The following CNTN4 variants were observed in gnomAD, a reference collection of about 807,000 sequenced individuals.
The protein encoded by CNTN4 is contactin-4.
Under a neutral mutation model 122.5 loss-of-function variants are expected in CNTN4, and 77 were observed. The ratio of observed to expected loss-of-function variants is 0.63; its 90% CI spans 0.52 to 0.76. The LOEUF is 0.76. Ranked by LOEUF, CNTN4 falls within the 30% of genes least tolerant of loss-of-function variation. The pLI is 0.00. For synonymous variants in CNTN4, 512 were observed against 447.0 expected (o/e 1.15, Z -1.83); for missense variants, 1,256 against 1,259.1 (o/e 1.00, Z 0.04).
In CNTN4 at chr3:2,971,368, CTA is replaced by C. The variant is rs537763062; in HGVS notation, c.1359-16963_1359-16962del. ...TCTGTCTGTCTATCTATCTATCTATCTATATATATATATATTTGGCCTTTCTT... is the reference window on the plus strand; with the variant it reads ...TCTGTCTGTCTATCTATCTATCTATCTATATATATATATTTGGCCTTTCTT... On this transcript the variant is annotated intron_variant, in intron 13 of 24. Coordinates refer to ENST00000418658, the MANE Select transcript of CNTN4 (RefSeq NM_175607.3). Among the ~76,000 whole-genome samples, 7 of 139,492 alleles carry C rather than the reference CTA, an allele frequency of 5.0e-5. No individual in the cohort carries two copies. The East Asian group carries it at 6.2e-4, about 12-fold the overall frequency. 91.5% of individuals were successfully genotyped at this position (139,492 alleles called of 152,430 possible).
chr3:2,107,426 C>T (rs1452496579), intron 2 of CNTN4, among the ~76,000 whole-genome samples: 1 of 152,026 alleles, frequency 6.6e-6, no homozygotes, highest in Admixed American at 6.6e-5. Flanking sequence ...TACATGGCAG[C>T]AAGCAAGAGA....
At chr3:2,945,793 A>G (rs1355294945) in intron 13 of CNTN4, among the ~76,000 whole-genome samples, 1 of 152,230 alleles carries the variant, frequency 6.6e-6, no homozygotes, top group African/African-American at 2.4e-5. Flanking sequence ...AAGTTAGTAC[A>G]TGGCCATTGC....
At chr3:2,932,045 G>C (rs1282772602) in intron 13 of CNTN4, among the ~76,000 whole-genome samples, 1 of 151,666 alleles carries the variant, frequency 6.6e-6, no homozygotes, top group South Asian at 2.1e-4. Flanking sequence ...GTGCATGTGT[G>C]TGTGTGGCCG....
intron 3 of CNTN4, among the ~76,000 whole-genome samples, chr3:2,566,327 C>T (rs974498147): frequency 9.9e-5 from 15 of 152,144 alleles, no homozygotes; most frequent in Admixed American, 3.9e-4. Flanking sequence ...TAACCTTGGA[C>T]GAGTTTCATA....
intron 4 of CNTN4, among the ~76,000 whole-genome samples, chr3:2,729,858 G>A (rs2088548403): frequency 6.6e-6 from 1 of 152,176 alleles, no homozygotes; most frequent in South Asian, 2.1e-4. Context: ...AGGTTGCAGT[G>A]AGCAGAGATC....
At chr3:2,686,400 C>A (rs922748964) in intron 4 of CNTN4, among the ~76,000 whole-genome samples, 1 of 152,128 alleles carries the variant, frequency 6.6e-6, no homozygotes, top group Non-Finnish European at 1.5e-5. Context: ...CTCCACCCAA[C>A]CCTACCCCCG....
chr3:2,831,912 G>T (rs548652639), intron 7 of CNTN4, among the ~76,000 whole-genome samples: 20 of 152,296 alleles, frequency 1.3e-4, no homozygotes, highest in Admixed American at 2.6e-4. Flanking sequence ...ACGCAAACCA[G>T]AGTATGCTTT....
At chr3:2,925,331 G>A (rs1477368209) in intron 12 of CNTN4, among the ~76,000 whole-genome samples, 3 of 152,118 alleles carry the variant, frequency 2.0e-5, no homozygotes, top group Admixed American at 6.5e-5. Context: ...TGAGGCGGGC[G>A]GATCACGAGG....
intron 2 of CNTN4, among the ~76,000 whole-genome samples, chr3:2,149,740 A>T (rs2125396274): frequency 6.6e-6 from 1 of 152,244 alleles, no homozygotes; most frequent in Admixed American, 6.5e-5. Flanking sequence ...TGTAATATAA[A>T]ATTAATTTAA....
intron 3 of CNTN4, among the ~76,000 whole-genome samples, chr3:2,376,162 A>C (rs921546976): frequency 1.3e-5 from 2 of 152,162 alleles, no homozygotes; most frequent in African/African-American, 4.8e-5. Flanking sequence ...GATTATGTTG[A>C]GGGACTCCAC....
chr3:2,886,966 A>G, intron 9 of CNTN4, 74 bp from the exon 10 acceptor site: 2 of 1,303,262 alleles, frequency 1.5e-6, no homozygotes, highest in South Asian at 2.5e-5. Context: ...AGAACCAAGA[A>G]GGAAGCGTTT....
In CNTN4 at chr3:2,287,672, A is replaced by G. The variant is rs867423754; in HGVS notation, c.-144-51506A>G. On this transcript the variant is annotated intron_variant, in intron 2 of 24. Coordinates refer to ENST00000418658, the MANE Select transcript of CNTN4 (RefSeq NM_175607.3). Reference sequence around the variant, plus strand: ...AAGAAGAAGAAGAAGAAGAAGAAGAAGAAGAAGAAGAAGAAGAAGAGGAAG... The same window carrying G: ...AAGAAGAAGAAGAAGAAGAAGAAGAGGAAGAAGAAGAAGAAGAAGAGGAAG... 4.2e-4 allele frequency among the ~76,000 whole-genome samples: 27 copies of G among 63,698 alleles called. 1 individual carries two copies. The highest frequency in any genetic ancestry group is 1.3e-3 in the South Asian group (2 of 1,532). 41.8% of individuals were successfully genotyped at this position (63,698 alleles called of 152,430 possible).
At chr3:2,440,642 T>G (rs917340080) in intron 3 of CNTN4, among the ~76,000 whole-genome samples, 9 of 151,860 alleles carry the variant, frequency 5.9e-5, no homozygotes, top group African/African-American at 2.2e-4. Context: ...ATTCTGAATT[T>G]TTTAATTTAC....
At chr3:2,498,670 C>T (rs531310495) in intron 3 of CNTN4, among the ~76,000 whole-genome samples, 7 of 152,016 alleles carry the variant, frequency 4.6e-5, no homozygotes, top group South Asian at 4.2e-4. Flanking sequence ...TTTGTAGACA[C>T]GGGGTCTTAC....
intron 3 of CNTN4, among the ~76,000 whole-genome samples, chr3:2,403,529 A>G (rs1049989431): frequency 6.6e-6 from 1 of 152,142 alleles, no homozygotes; most frequent in Admixed American, 6.6e-5. Flanking sequence ...GTATAATCTC[A>G]AAGTACAAGA....
intron 6 of CNTN4, among the ~76,000 whole-genome samples, chr3:2,756,084 A>G (rs1250195109): frequency 6.6e-6 from 1 of 152,194 alleles, no homozygotes; most frequent in Non-Finnish European, 1.5e-5. Flanking sequence ...AATTATATCA[A>G]TATCCTTTTC....
intron 7 of CNTN4, among the ~76,000 whole-genome samples, chr3:2,828,956 C>G (rs1482714132): frequency 6.6e-6 from 1 of 152,020 alleles, no homozygotes; most frequent in Non-Finnish European, 1.5e-5. Flanking sequence ...CCAAGTTGGT[C>G]TCAAACTCCT....
intron 2 of CNTN4, among the ~76,000 whole-genome samples, chr3:2,110,009 T>G (rs1040947204): frequency 1.3e-5 from 2 of 152,278 alleles, no homozygotes; most frequent in African/African-American, 2.4e-5. Context: ...TAAGAGTTGC[T>G]TTTAATATAA....
chr3:2,990,898 A>G (rs965009233), intron 14 of CNTN4, among the ~76,000 whole-genome samples: 2 of 152,188 alleles, frequency 1.3e-5, no homozygotes, highest in African/African-American at 4.8e-5. Context: ...TTTATTAACT[A>G]TTTGTTTCTT....
Sources: allele counts gnomAD v4.1 joint callset (sites outside exome capture counted in the v4.1 genomes callset), GRCh38; gene constraint gnomAD v4.1.1; transcripts MANE v1.5; gene names NCBI Gene and HGNC (gene_info 2026-07-23, HGNC 2026-07-21).